Variants in DDX60 observed in about 807,000 individuals in gnomAD.
DDX60 encodes the protein DExD/H-box helicase 60.
In DDX60, 165 loss-of-function variants were observed where a neutral mutation model predicts 212.8. The observed-to-expected ratio is 0.78, with a 90% CI of 0.68 to 0.88. The LOEUF is 0.88. Ranked by LOEUF, DDX60 falls within the 40% of genes least tolerant of loss-of-function variation. The pLI is 0.00. For synonymous variants in DDX60, 703 were observed against 685.3 expected (o/e 1.03, Z -0.40); for missense variants, 1,905 against 2,003.9 (o/e 0.95, Z 0.94).
chr4:168,223,751 T>C (rs556089228), intron 35 of DDX60, among the ~76,000 whole-genome samples: 1 of 152,202 alleles, frequency 6.6e-6, no homozygotes, highest in Non-Finnish European at 1.5e-5. Context: ...CAATCCATAA[T>C]ATCAAATGTA....
chr4:168,303,811 G>A (rs901632399), intron 5 of DDX60, among the ~76,000 whole-genome samples: 2 of 152,034 alleles, frequency 1.3e-5, no homozygotes, highest in African/African-American at 2.4e-5. Context: ...GTGAAACCCC[G>A]TCTCTACTAA....
In DDX60 at chr4:168,257,162, A is replaced by C. The variant is rs1481798346; in HGVS notation, c.3399-1293T>G. 3.9e-5 allele frequency among the ~76,000 whole-genome samples: 6 copies of C among 152,256 alleles called. No homozygotes were observed. The East Asian group carries it at 1.2e-3, about 29-fold the overall frequency. On this transcript the variant is annotated intron_variant, in intron 25 of 37. Coordinates refer to ENST00000393743, the MANE Select transcript of DDX60 (RefSeq NM_017631.6). ...CAACACAGTGACACAGAATTCAAAA[A>C]TGAGCTGGGCGTGGTGGCACATGCC...
chr4:168,275,290 T>G, intron 16 of DDX60, 55 bp downstream of exon 16: 1 of 1,459,242 alleles, frequency 6.9e-7, no homozygotes, highest in Non-Finnish European at 9.2e-7. Context: ...GAGAAACCTC[T>G]GAGATCACAT....
intron 6 of DDX60, among the ~76,000 whole-genome samples, chr4:168,299,573 A>G (rs1203792591): frequency 6.6e-6 from 1 of 152,254 alleles, no homozygotes; most frequent in African/African-American, 2.4e-5. Flanking sequence ...ATCATAAAAA[A>G]AAACCAAGAG....
intron 22 of DDX60, among the ~76,000 whole-genome samples, chr4:168,266,051 G>A (rs1734835747): frequency 6.6e-6 from 1 of 152,152 alleles, no homozygotes; most frequent in Non-Finnish European, 1.5e-5. Flanking sequence ...CAAGAGATAA[G>A]TTCCCATAAC....
At position 168,311,216 on chromosome 4, in the gene DDX60, A is replaced by G. The variant is rs572872550; in HGVS notation, c.4+40T>C. 14 of 1,604,182 alleles carry G rather than the reference A, an allele frequency of 8.7e-6. No individual in the cohort carries two copies. The South Asian group carries it at 1.3e-4, about 15-fold the overall frequency. On this transcript the variant is annotated intron_variant, in intron 2 of 37. Coordinates refer to ENST00000393743, the MANE Select transcript of DDX60 (RefSeq NM_017631.6). ...AAATCTATGTAGTTTACAGGGTAAC[A>G]TTGTTTTATAATCTATAAATATTTT...
rs796833393 is a variant in DDX60, at chr4:168,218,995, C to A, written c.5039+1660G>T. Among the ~76,000 whole-genome samples, 7 of 152,088 alleles carry A rather than the reference C, an allele frequency of 4.6e-5. No homozygotes were observed. In the East Asian group the frequency reaches 7.7e-4, roughly 17 times the overall value. On this transcript the variant is annotated intron_variant, in intron 37 of 37. Transcript: ENST00000393743. ...AAGCAGGTATATCAATTTAATGATC[C>A]TTTGGCCAGGCGCAGTGGTTCTTGC...
At chr4:168,275,591 T>C (rs1735299511) in intron 15 of DDX60, 88 bp from the exon 16 acceptor site, 1 of 1,157,040 alleles carries the variant, frequency 8.6e-7, no homozygotes, top group Non-Finnish European at 1.2e-6. Context: ...GAGCACTTTC[T>C]ATGTGAAAAG....
chr4:168,236,045 T>C (rs1188028013), intron 33 of DDX60: 8 of 453,564 alleles, frequency 1.8e-5, no homozygotes, highest in Admixed American at 8.9e-5. Flanking sequence ...CTCTTTTTTT[T>C]CACAAAGACT....
At chr4:168,307,965 T>C (rs761378908) in intron 4 of DDX60, 41 bp downstream of exon 4, 9 of 1,292,950 alleles carry the variant, frequency 7.0e-6, no homozygotes, top group Non-Finnish European at 8.3e-6. Flanking sequence ...ATTTTAGTTT[T>C]AGTTCTCATA....
chr4:168,289,215 T>A (rs1579056136), intron 8 of DDX60, among the ~76,000 whole-genome samples: 4 of 152,320 alleles, frequency 2.6e-5, no homozygotes, highest in Non-Finnish European at 5.9e-5. Flanking sequence ...CCTTAGTCTC[T>A]TAATTATGAT....
chr4:168,307,352 A>T (rs1188799646), intron 4 of DDX60, among the ~76,000 whole-genome samples: 2 of 152,350 alleles, frequency 1.3e-5, no homozygotes, highest in Non-Finnish European at 2.9e-5. Flanking sequence ...TTTATTTGAA[A>T]TTGTTAAAAA....
rs1407226311 is a variant in DDX60 at position 168,291,966 on chromosome 4, G to A, written c.883-60C>T. 3.1e-6 allele frequency: 4 copies of A among 1,309,372 alleles called. No individual in the cohort carries two copies. The African/African-American group carries it at 4.6e-5, about 15-fold the overall frequency. The allele number at this position is 1,309,372 out of a possible 1,614,324, so 81.1% of individuals were successfully genotyped here. On this transcript the variant is annotated intron_variant, in intron 7 of 37. Transcript: ENST00000393743. ...AGCAGGGTGTGACATTGCATAATAA[G>A]CATCTAGGACCACAAAAGCTGACAG... is the stretch of plus-strand genomic sequence containing the variant.
intron 33 of DDX60, among the ~76,000 whole-genome samples, chr4:168,232,933 T>C (rs1733505504): frequency 6.6e-6 from 1 of 150,706 alleles, no homozygotes; most frequent in Non-Finnish European, 1.5e-5. Context: ...GCCCACAGAG[T>C]GGGAGAAAAT....
intron 30 of DDX60, among the ~76,000 whole-genome samples, chr4:168,243,578 G>T (rs1036030562): frequency 2.0e-5 from 3 of 152,118 alleles, no homozygotes; most frequent in Non-Finnish European, 2.9e-5. Flanking sequence ...AATCAGAATG[G>T]CAATTATTAA....
chr4:168,302,847 C>G (rs1040285454), intron 5 of DDX60, among the ~76,000 whole-genome samples: 2 of 152,080 alleles, frequency 1.3e-5, no homozygotes, highest in African/African-American at 2.4e-5. Context: ...AGCATAACCC[C>G]CCTTTCAGGT....
In DDX60 at chr4:168,293,927, G is replaced by A. The variant is rs138195535; in HGVS notation, c.742C>T (p.Leu248=). 135 of 1,612,322 alleles carry A rather than the reference G, an allele frequency of 8.4e-5. 1 individual carries two copies. The African/African-American group carries it at 1.7e-3, about 20-fold the overall frequency. ...CCTTCTGGCCAGACTTGTGTAAGCA[G>A]AGATACAGTCTTGTGTGCCTGTCAA... The part of the protein sequence containing the change: ...ITEEAHKTVS[L]LTQVWPEGSD... Residue 248 remains leucine (L), a synonymous_variant, in exon 7 of 38, where the codon CTG becomes TTG. Transcript: ENST00000393743.
intron 19 of DDX60, among the ~76,000 whole-genome samples, chr4:168,269,174 C>T (rs759017565): frequency 6.6e-6 from 1 of 152,164 alleles, no homozygotes; most frequent in Non-Finnish European, 1.5e-5. Flanking sequence ...TTTCCTTCAA[C>T]TCAATGCATT....
rs370431060 is a variant in DDX60 at position 168,260,826 on chromosome 4, A to G, written c.3398+39T>C. ...TCTGCCTTAAAGGAATGAGTCTAAT[A>G]CAATTACAAGCAAAACCAAATTAAA... On this transcript the variant is annotated intron_variant, in intron 25 of 37. Transcript: ENST00000393743. The G allele has an allele frequency of 4.5e-5, 70 of 1,565,926 alleles. No individual in the cohort carries two copies. The Middle Eastern group carries it at 7.0e-4, about 16-fold the overall frequency.
Sources: gnomAD v4.1 joint callset for allele counts (sites outside exome capture counted in the v4.1 genomes callset) on GRCh38, gnomAD v4.1.1 for gene constraint, MANE v1.5 for transcripts, NCBI Gene and HGNC (gene_info 2026-07-23, HGNC 2026-07-21) for gene names.